Variants in SORCS2 observed in about 807,000 individuals in gnomAD.
SORCS2 encodes VPS10 domain-containing receptor SorCS2.
Under a neutral mutation model 141.6 loss-of-function variants are expected in SORCS2, and 100 were observed. The ratio of observed to expected loss-of-function variants is 0.71; its 90% confidence interval spans 0.60 to 0.83. The LOEUF is 0.83. Ranked by LOEUF, SORCS2 falls within the 40% of genes least tolerant of loss-of-function variation. SORCS2 has a pLI of 0.00. For synonymous variants in SORCS2, 789 were observed against 676.9 expected, an observed-to-expected ratio of 1.17 and a Z score of -2.57; for missense variants, 1,646 against 1,560.2, an observed-to-expected ratio of 1.05 and a Z score of -0.93.
intron 1 of SORCS2, among the ~76,000 whole-genome samples, chr4:7,368,616 C>G (rs1441705440): frequency 1.3e-5 from 2 of 152,208 alleles, no homozygotes; most frequent in African/African-American, 2.4e-5. Context: ...GAGGCCTGCC[C>G]CCATGGAGGG....
At chr4:7,726,511 T>C (rs1384650690) in intron 20 of SORCS2, among the ~76,000 whole-genome samples, 1 of 152,060 alleles carries the variant, frequency 6.6e-6, no homozygotes, top group African/African-American at 2.4e-5. Context: ...GAGGCAGAGG[T>C]TGCAGTGAGC....
intron 3 of SORCS2, among the ~76,000 whole-genome samples, chr4:7,615,606 C>CCGTGCTGCA (rs1718707456): frequency 6.6e-6 from 1 of 152,214 alleles, no homozygotes; most frequent in Non-Finnish European, 1.5e-5. Context: ...CTGTGCCTGC[C>CCGTGCTGCA]CGTGCTTTTC....
At chr4:7,606,622 G>A (rs1718082140) in intron 3 of SORCS2, among the ~76,000 whole-genome samples, 1 of 152,078 alleles carries the variant, frequency 6.6e-6, no homozygotes, top group Non-Finnish European at 1.5e-5. Flanking sequence ...GCCTCTGTGG[G>A]TACTGGCTGG....
chr4:7,640,321 T>C (rs1249500504), intron 4 of SORCS2, among the ~76,000 whole-genome samples: 1 of 150,764 alleles, frequency 6.6e-6, no homozygotes, highest in South Asian at 2.1e-4. Context: ...TGGGTGTGTA[T>C]GAGCATGTGT....
At chr4:7,381,939 A>C in intron 1 of SORCS2, 1 of 986,408 alleles carries the variant, frequency 1.0e-6, no homozygotes, top group Non-Finnish European at 1.2e-6. Context: ...CAAGCTCTCC[A>C]TTCCACTAGC....
chr4:7,367,411 T>C (rs1010411496), intron 1 of SORCS2, among the ~76,000 whole-genome samples: 1 of 152,256 alleles, frequency 6.6e-6, no homozygotes, highest in African/African-American at 2.4e-5. Context: ...GTAAGTCATG[T>C]AATGTCTCTG....
At chr4:7,689,346 C>G (rs1724069020) in intron 10 of SORCS2, 140 bp from the exon 11 acceptor site, 2 of 699,442 alleles carry the variant, frequency 2.9e-6, no homozygotes, top group South Asian at 3.6e-5. Flanking sequence ...GCTTCCCATC[C>G]TCCATCCGTT....
chr4:7,648,188 AGAGGAGGAGGAGGAG>A lies in SORCS2; in HGVS notation c.814-5934_814-5920del, dbSNP rs56241745. ...GAGGGAGGCCATTTACTGAGACCGC[AGAGGAGGAGGAGGAG>A]GAGGAGGAGGAAGACACGGAGGCTG... On this transcript the variant is annotated intron_variant, in intron 4 of 26. Coordinates refer to ENST00000507866, the MANE Select transcript of SORCS2 (RefSeq NM_020777.3). This position sits in a 1 kb window ranked among gnomAD's most constrained non-coding sequence, Gnocchi z 4.2. Among the ~76,000 whole-genome samples, 1 of 150,344 alleles carries A rather than the reference AGAGGAGGAGGAGGAG, an allele frequency of 6.7e-6. No individual in the cohort carries two copies. Among genetic ancestry groups the A allele is most frequent in the Non-Finnish European group, 1.5e-5 (1 of 67,666 alleles).
At chr4:7,526,200 T>A (rs1733686185) in intron 2 of SORCS2, among the ~76,000 whole-genome samples, 1 of 152,202 alleles carries the variant, frequency 6.6e-6, no homozygotes, top group Admixed American at 6.5e-5. Flanking sequence ...TTTCCAGGGG[T>A]CACGTGCCCA....
intron 10 of SORCS2, among the ~76,000 whole-genome samples, chr4:7,684,936 GGCAACCCCTTGCTCTAAGCTGAGGCTTGA>G (rs757059316): frequency 1.5e-4 from 23 of 152,230 alleles, no homozygotes; most frequent in Middle Eastern, 6.8e-3. Context: ...TGGCCCCCAG[GGCAACCCCTTGCTCTAAGCTGAGGCTTGA>G]GCTCTGACTC....
intron 1 of SORCS2, among the ~76,000 whole-genome samples, chr4:7,211,615 C>A (rs935614402): frequency 1.3e-5 from 2 of 152,100 alleles, no homozygotes; most frequent in South Asian, 2.1e-4. Context: ...TCAAGTGATC[C>A]CCCTGCCTCG....
intron 2 of SORCS2, among the ~76,000 whole-genome samples, chr4:7,412,269 G>T (rs73796554): frequency 1.3e-5 from 2 of 152,144 alleles, no homozygotes; most frequent in Non-Finnish European, 2.9e-5. Flanking sequence ...CCTGCAGGCC[G>T]ATGGCCACCC....
chr4:7,465,733 C>T (rs1729575908), intron 2 of SORCS2, among the ~76,000 whole-genome samples: 1 of 152,238 alleles, frequency 6.6e-6, no homozygotes, highest in South Asian at 2.1e-4. Context: ...AATAGTTACA[C>T]ATGTACAAGA....
At chr4:7,605,729 C>G (rs1718015462) in intron 3 of SORCS2, among the ~76,000 whole-genome samples, 1 of 152,164 alleles carries the variant, frequency 6.6e-6, no homozygotes, top group Non-Finnish European at 1.5e-5. Flanking sequence ...CCTCTGCTCT[C>G]TGTTCCATTT....
rs117714010 is a variant in SORCS2 at position 7,280,577 on chromosome 4, A to T, written c.480+87451A>T. On this transcript the variant is annotated intron_variant, in intron 1 of 26. Coordinates refer to ENST00000507866, the MANE Select transcript of SORCS2 (RefSeq NM_020777.3). ...CTGGGAGGGCCAGTGTTTAGACATG[A>T]TGTTTGGATGGCGTGGTAAGAATAT... Among the ~76,000 whole-genome samples the T allele has an allele frequency of 4.1e-3, 621 of 152,290 alleles. 7 individuals are homozygous for T. Among genetic ancestry groups the T allele is most frequent in the East Asian group, 0.022 (114 of 5,186 alleles).
At chr4:7,331,175 GC>G (rs1239900461) in intron 1 of SORCS2, among the ~76,000 whole-genome samples, 5 of 152,154 alleles carry the variant, frequency 3.3e-5, no homozygotes, top group African/African-American at 9.7e-5. Context: ...TGGTGGGGGG[GC>G]TTCACCCCCA....
chr4:7,351,831 A>C (rs1034777588), intron 1 of SORCS2, among the ~76,000 whole-genome samples: 5 of 151,068 alleles, frequency 3.3e-5, no homozygotes, highest in Non-Finnish European at 7.4e-5. Flanking sequence ...TCATCTACCC[A>C]TTCACCCATC....
At chr4:7,653,369 G>T (rs776148705) in intron 4 of SORCS2, among the ~76,000 whole-genome samples, 1 of 152,094 alleles carries the variant, frequency 6.6e-6, no homozygotes, top group Admixed American at 6.5e-5. Flanking sequence ...TCAGCCTCCC[G>T]AGTAGCTGGG....
chr4:7,679,359 G>A (rs538214530), intron 9 of SORCS2, among the ~76,000 whole-genome samples: 13 of 152,306 alleles, frequency 8.5e-5, no homozygotes, highest in Admixed American at 3.3e-4. Flanking sequence ...TGGTGGCCCC[G>A]AAATAGACAT....
Sources: allele counts gnomAD v4.1 joint callset (sites outside exome capture counted in the v4.1 genomes callset), GRCh38; gene constraint gnomAD v4.1.1; non-coding constraint Gnocchi (gnomAD v3.1); transcripts MANE v1.5; gene names NCBI Gene and HGNC (gene_info 2026-07-23, HGNC 2026-07-21).